Variants in ELK3 observed in about 807,000 individuals in gnomAD.
ELK3 encodes the protein ETS transcription factor ELK3, also known as ETS domain-containing protein Elk-3.
Under a neutral mutation model 28.9 loss-of-function variants are expected in ELK3, and 10 were observed. The observed-to-expected ratio is 0.35, with a 90% CI of 0.21 to 0.59. The LOEUF is 0.59. ELK3 is among the 20% of genes least tolerant of loss of function. The pLI is 0.82. For missense variants in ELK3, 463 were observed against 517.3 expected (o/e 0.90, Z 1.02); for synonymous variants, 272 against 243.5 (o/e 1.12, Z -1.09).
At chr12:96,242,207 C>T (rs979809770) in intron 2 of ELK3, among the ~76,000 whole-genome samples, 6 of 152,176 alleles carry the variant, frequency 3.9e-5, no homozygotes, top group African/African-American at 7.2e-5. Flanking sequence ...GCTTGTGTCC[C>T]GGGCTGCCTA....
chr12:96,196,319 T>G (rs937263274), intron 1 of ELK3, among the ~76,000 whole-genome samples: 12 of 152,094 alleles, frequency 7.9e-5, no homozygotes, highest in African/African-American at 2.9e-4. Context: ...GATTTCAGAT[T>G]TGCAGGTTTT....
chr12:96,223,201 G>T (rs568777944), intron 1 of ELK3, among the ~76,000 whole-genome samples: 1 of 152,284 alleles, frequency 6.6e-6, no homozygotes, highest in African/African-American at 2.4e-5. Context: ...GGATGGGCGG[G>T]AATAGACACT....
chr12:96,252,944 A>G (rs1951919449), intron 3 of ELK3, among the ~76,000 whole-genome samples: 1 of 152,258 alleles, frequency 6.6e-6, no homozygotes, highest in African/African-American at 2.4e-5. Context: ...ATCACATGCC[A>G]TAGAGAAATC....
intron 2 of ELK3, among the ~76,000 whole-genome samples, chr12:96,234,769 G>C (rs34550404): frequency 0.062 from 9,436 of 152,180 alleles, 303 homozygotes; most frequent in African/African-American, 0.084. Context: ...TGTAAGTCAC[G>C]GACTCAAGAT....
At chr12:96,199,522 G>T (rs967096688) in intron 1 of ELK3, among the ~76,000 whole-genome samples, 10 of 148,974 alleles carry the variant, frequency 6.7e-5, no homozygotes, top group East Asian at 2.0e-4. Flanking sequence ...GTGACCTTCT[G>T]TGAAATTCTA....
intron 1 of ELK3, among the ~76,000 whole-genome samples, chr12:96,218,691 T>C (rs1024923942): frequency 4.2e-4 from 63 of 148,284 alleles, no homozygotes; most frequent in Non-Finnish European, 7.4e-4. Flanking sequence ...CTCTGTCACC[T>C]AGGCTGGAGT....
intron 3 of ELK3, among the ~76,000 whole-genome samples, chr12:96,248,626 T>C (rs529357374): frequency 6.6e-6 from 1 of 152,278 alleles, no homozygotes; most frequent in South Asian, 2.1e-4. Context: ...AATGGGACCA[T>C]GGACAGGCTT....
chr12:96,266,767 C>CTGAG (rs1425599675), intron 4 of ELK3, among the ~76,000 whole-genome samples: 2 of 152,138 alleles, frequency 1.3e-5, no homozygotes, highest in Admixed American at 1.3e-4. Flanking sequence ...TATCAGCATC[C>CTGAG]TGAGTAGCTT....
intron 1 of ELK3, among the ~76,000 whole-genome samples, chr12:96,205,902 A>C (rs761156108): frequency 6.6e-6 from 1 of 152,244 alleles, no homozygotes. Flanking sequence ...TGTACCATTA[A>C]TTCTCGATGC....
At chr12:96,197,366 A>T (rs2136996266) in intron 1 of ELK3, among the ~76,000 whole-genome samples, 1 of 152,038 alleles carries the variant, frequency 6.6e-6, no homozygotes, top group South Asian at 2.1e-4. Context: ...ACAAGAAAGA[A>T]TTTTTTTTGC....
rs538170970 is a variant in ELK3 at position 96,223,452 on chromosome 12, C to G, written c.-2-113C>G. ...AGTGAAAGCTACTTTTTATTAGGTT[C>G]ACTGGGGGAAGGAGGGGACAGCTGA... On this transcript the variant is annotated intron_variant, in intron 1 of 4. Coordinates refer to ENST00000228741, the MANE Select transcript of ELK3 (RefSeq NM_005230.4). The G allele has an allele frequency of 3.1e-6, 3 of 962,088 alleles. No homozygotes were observed. In the East Asian group the frequency reaches 7.4e-5, roughly 24 times the overall value. The allele number at this position is 962,088 out of a possible 1,614,324, so 59.6% of individuals were successfully genotyped here.
At chr12:96,239,468 G>C (rs1165366141) in intron 2 of ELK3, among the ~76,000 whole-genome samples, 1 of 152,154 alleles carries the variant, frequency 6.6e-6, no homozygotes, top group Non-Finnish European at 1.5e-5. Flanking sequence ...TCACTGTCCA[G>C]GGGGACCTTG....
intron 2 of ELK3, among the ~76,000 whole-genome samples, chr12:96,245,321 T>C (rs1406194860): frequency 6.6e-6 from 1 of 152,364 alleles, no homozygotes; most frequent in South Asian, 2.1e-4. Context: ...GATCTTTGAT[T>C]TCTCTCCCCC....
chr12:96,233,636 T>C (rs1296342453), intron 2 of ELK3, among the ~76,000 whole-genome samples: 1 of 152,202 alleles, frequency 6.6e-6, no homozygotes. Context: ...ATATCTGAGA[T>C]CAACTGCCTC....
intron 2 of ELK3, chr12:96,224,092 A>G (rs374974157): frequency 3.1e-5 from 9 of 287,012 alleles, no homozygotes; most frequent in East Asian, 1.4e-4. Flanking sequence ...GAATGACACA[A>G]TGCGTGTTAA....
At chr12:96,195,898 C>G (rs1460234170) in intron 1 of ELK3, among the ~76,000 whole-genome samples, 1 of 151,624 alleles carries the variant, frequency 6.6e-6, no homozygotes, top group African/African-American at 2.4e-5. Flanking sequence ...CCCTCCCACC[C>G]TCCCTCATTT....
intron 1 of ELK3, among the ~76,000 whole-genome samples, chr12:96,199,268 A>G (rs916508767): frequency 8.5e-5 from 13 of 152,202 alleles, no homozygotes; most frequent in African/African-American, 3.1e-4. Context: ...TGTTTTGTAC[A>G]TTTTAACAAC....
intron 1 of ELK3, among the ~76,000 whole-genome samples, chr12:96,204,169 G>GTT (rs3216593): frequency 1.3e-5 from 2 of 148,504 alleles, no homozygotes; most frequent in African/African-American, 4.9e-5. Context: ...TCAATGTAAA[G>GTT]TTTTTTTTTT....
chr12:96,211,488 T>G (rs1592671850), intron 1 of ELK3, among the ~76,000 whole-genome samples: 2 of 3,794 alleles, frequency 5.3e-4, no homozygotes, highest in South Asian at 0.028. Context: ...ATTGTGTGTT[T>G]GTGTGTGTGT....
Sources: allele counts gnomAD v4.1 joint callset (sites outside exome capture counted in the v4.1 genomes callset), GRCh38; gene constraint gnomAD v4.1.1; transcripts MANE v1.5; gene names NCBI Gene and HGNC (gene_info 2026-07-23, HGNC 2026-07-21).